Variants in SLC4A4 observed in about 807,000 individuals in gnomAD.
SLC4A4 encodes the protein solute carrier family 4 member 4, also known as electrogenic sodium bicarbonate cotransporter 1.
Under a neutral mutation model 111.5 loss-of-function variants are expected in SLC4A4, and 27 were observed. The ratio of observed to expected loss-of-function variants is 0.24; its 90% CI spans 0.18 to 0.33. The LOEUF (loss-of-function observed/expected upper bound fraction) is 0.33, where lower values mean the gene tolerates loss of function less well. Ranked by LOEUF, SLC4A4 falls within the 10% of genes least tolerant of loss-of-function variation. The pLI is 1.00. For missense variants in SLC4A4, 909 were observed against 1,315.5 expected (o/e 0.69, Z 4.78); for synonymous variants, 443 against 463.4 (o/e 0.96, Z 0.57).
chr4:71,515,731 T>G (rs1732319967), intron 16 of SLC4A4, among the ~76,000 whole-genome samples: 1 of 152,328 alleles, frequency 6.6e-6, no homozygotes, highest in Non-Finnish European at 1.5e-5. Context: ...AATGACTTTT[T>G]TAAAACTGTT....
chr4:71,304,268 T>C (rs1463993543), intron 3 of SLC4A4, among the ~76,000 whole-genome samples: 1 of 152,194 alleles, frequency 6.6e-6, no homozygotes, highest in Non-Finnish European at 1.5e-5. Context: ...GTCTGCAAGC[T>C]TGAGACCAGG....
At chr4:71,218,752 G>A (rs1718575685) in intron 1 of SLC4A4, among the ~76,000 whole-genome samples, 1 of 152,088 alleles carries the variant, frequency 6.6e-6, no homozygotes, top group African/African-American at 2.4e-5. Context: ...TTGACGAGTA[G>A]TCAAGCTTAA....
At chr4:71,251,646 C>T (rs555967146) in intron 2 of SLC4A4, among the ~76,000 whole-genome samples, 1 of 152,272 alleles carries the variant, frequency 6.6e-6, no homozygotes, top group South Asian at 2.1e-4. Context: ...TGACAGCACA[C>T]CTAAATGAAC....
At chr4:71,343,688 A>G (rs553476712) in intron 4 of SLC4A4, among the ~76,000 whole-genome samples, 2 of 152,316 alleles carry the variant, frequency 1.3e-5, no homozygotes, top group Admixed American at 6.5e-5. Flanking sequence ...CTACAACTCT[A>G]GTTCATCCCA....
At chr4:71,458,829 G>T (rs566329659) in intron 12 of SLC4A4, among the ~76,000 whole-genome samples, 23 of 151,978 alleles carry the variant, frequency 1.5e-4, no homozygotes, top group African/African-American at 2.4e-4. Context: ...AATTGTACAA[G>T]AATTTCAATT....
At chr4:71,145,979 C>T (rs1000161883) in intron 2 of SLC4A4, among the ~76,000 whole-genome samples, 2 of 152,032 alleles carry the variant, frequency 1.3e-5, no homozygotes, top group African/African-American at 2.4e-5. Context: ...TTATTTCTTT[C>T]CTTCTGCTAG....
chr4:71,357,760 A>T (rs1453491649), intron 6 of SLC4A4, among the ~76,000 whole-genome samples: 2 of 152,126 alleles, frequency 1.3e-5, no homozygotes, highest in Admixed American at 6.5e-5. Context: ...TCAAGATGGG[A>T]TATTAACCCC....
chr4:71,098,416 T>G, intron 2 of SLC4A4, among the ~76,000 whole-genome samples: 1 of 152,198 alleles, frequency 6.6e-6, no homozygotes, highest in East Asian at 1.9e-4. Context: ...CCATGCTGTT[T>G]TGGTTACTGT....
At chr4:71,194,714 A>G (rs945370442) in intron 1 of SLC4A4, among the ~76,000 whole-genome samples, 7 of 152,190 alleles carry the variant, frequency 4.6e-5, no homozygotes, top group African/African-American at 1.7e-4. Context: ...TTTAGCTTCT[A>G]TAATTAGAAT....
intron 3 of SLC4A4, among the ~76,000 whole-genome samples, chr4:71,283,435 C>T (rs1397321070): frequency 5.3e-5 from 8 of 152,060 alleles, no homozygotes; most frequent in African/African-American, 1.9e-4. Context: ...ACTAGGTTTG[C>T]CTCAGTTGCT....
chr4:71,496,972 G>T (rs1396388354), intron 15 of SLC4A4, among the ~76,000 whole-genome samples: 2 of 152,042 alleles, frequency 1.3e-5, no homozygotes, highest in Non-Finnish European at 2.9e-5. Flanking sequence ...TACTTTAATT[G>T]CTTAAATCAC....
chr4:71,549,839 G>A (rs11937245), intron 20 of SLC4A4, among the ~76,000 whole-genome samples: 56,254 of 151,766 alleles, frequency 0.37, 13,482 homozygotes, highest in Non-Finnish European at 0.53. Flanking sequence ...TGGCTGCAGA[G>A]GAGTTAAAGC....
intron 7 of SLC4A4, among the ~76,000 whole-genome samples, chr4:71,399,523 C>T (rs1720165418): frequency 6.9e-6 from 1 of 145,808 alleles, no homozygotes; most frequent in South Asian, 2.3e-4. Flanking sequence ...TCCTTCCTCC[C>T]TGGTAGTGTC....
At chr4:71,542,859 G>T (rs1435455941) in intron 18 of SLC4A4, among the ~76,000 whole-genome samples, 1 of 152,064 alleles carries the variant, frequency 6.6e-6, no homozygotes, top group Non-Finnish European at 1.5e-5. Flanking sequence ...TACCTCCAGG[G>T]TCTAGCAGAG....
chr4:71,550,618 C>G (rs544222396), intron 20 of SLC4A4, among the ~76,000 whole-genome samples: 2 of 151,842 alleles, frequency 1.3e-5, no homozygotes, highest in African/African-American at 4.8e-5. Context: ...ACTTAAGAGT[C>G]TGTCTTTGAA....
At chr4:71,103,781 G>C (rs1033253443) in intron 2 of SLC4A4, among the ~76,000 whole-genome samples, 4 of 151,872 alleles carry the variant, frequency 2.6e-5, no homozygotes, top group African/African-American at 7.3e-5. Context: ...AGTGTGGAGA[G>C]GGAAATTTAT....
At chr4:71,101,040 AC>A (rs1023988843) in intron 2 of SLC4A4, among the ~76,000 whole-genome samples, 1 of 152,090 alleles carries the variant, frequency 6.6e-6, no homozygotes, top group African/African-American at 2.4e-5. Flanking sequence ...CAGGTGGATC[AC>A]GAGGTCAGGA....
intron 8 of SLC4A4, among the ~76,000 whole-genome samples, chr4:71,442,264 CACTA>C (rs1724795146): frequency 6.6e-6 from 1 of 152,098 alleles, no homozygotes; most frequent in Admixed American, 6.5e-5. Flanking sequence ...CTGTCTGGCT[CACTA>C]ACTTTTTTCT....
At chr4:71,364,138 G>A (rs1303838113) in intron 6 of SLC4A4, among the ~76,000 whole-genome samples, 1 of 152,062 alleles carries the variant, frequency 6.6e-6, no homozygotes, top group Non-Finnish European at 1.5e-5. Context: ...AACTCAAGTG[G>A]GTCTTTAGTT....
Sources: gnomAD v4.1 joint callset for allele counts (sites outside exome capture counted in the v4.1 genomes callset) on GRCh38, gnomAD v4.1.1 for gene constraint, MANE v1.5 for transcripts, NCBI Gene and HGNC (gene_info 2026-07-23, HGNC 2026-07-21) for gene names.